The following TAB3 variants were observed in gnomAD, a reference collection of about 807,000 sequenced individuals.
The protein encoded by TAB3 is TGF-beta-activated kinase 1 and MAP3K7-binding protein 3.
In TAB3, 18 loss-of-function variants were observed where a neutral mutation model predicts 48.1. That is an observed-to-expected ratio of 0.37 (90% CI 0.26 to 0.55). The LOEUF (loss-of-function observed/expected upper bound fraction) is 0.55. Ranked by LOEUF, TAB3 falls within the 20% of genes least tolerant of loss-of-function variation. TAB3 has a pLI of 0.78. For synonymous variants in TAB3, 185 were observed against 190.2 expected, an observed-to-expected ratio of 0.97 and a Z score of 0.22; for missense variants, 414 against 549.8, an observed-to-expected ratio of 0.75 and a Z score of 2.47.
At chrX:30,846,756 C>A in intron 7 of TAB3, 112 bp from the exon 8 acceptor site, 1 of 463,258 alleles carries the variant, frequency 2.2e-6, no homozygotes. Context: ...AAGAATACGG[C>A]CTTAGTCCAT....
chrX:30,854,362 T>C lies in TAB3; in HGVS notation c.1303A>G (p.Thr435Ala), dbSNP rs1436850178. The change falls in exon 6 of 11, where the codon ACT becomes GCT. Residue 435 changes from threonine (T) to alanine (A), a missense_variant. Transcript: ENST00000288422. ...NPVYITYTQP[T>A]GPSCTPSPSP... The stretch of plus-strand genomic sequence containing the variant: ...GGTGATGGAGTACAAGAAGGTCCAG[T>C]TGGCTGTGTATATGTAATATACACA... 2.5e-6 allele frequency: 3 copies of C among 1,209,620 alleles called. No individual in the cohort carries two copies. Among genetic ancestry groups the C allele is most frequent in the East Asian group, 3.0e-5 (1 of 33,766 alleles).
At chrX:30,851,401 G>A (rs894141877) in intron 7 of TAB3, among the ~76,000 whole-genome samples, 1 of 111,528 alleles carries the variant, frequency 9.0e-6, no homozygotes, top group African/African-American at 3.3e-5. Flanking sequence ...TCTCCTAAAA[G>A]TCACTCTCCA....
intron 4 of TAB3, 34 bp from the exon 5 acceptor site, chrX:30,859,712 C>T (rs1798325297): frequency 2.0e-6 from 1 of 492,856 alleles, no homozygotes; most frequent in Non-Finnish European, 3.4e-6. Flanking sequence ...ATGGTTAAGT[C>T]TAGTTACATA....
At chrX:30,878,624 T>G (rs189414386) in intron 1 of TAB3, among the ~76,000 whole-genome samples, 81 of 111,055 alleles carry the variant, frequency 7.3e-4, no homozygotes, top group African/African-American at 2.5e-3. Flanking sequence ...TCAATGGACA[T>G]ATATAGAATG....
chrX:30,886,360 G>A (rs1298909359), intron 1 of TAB3, among the ~76,000 whole-genome samples: 2 of 109,906 alleles, frequency 1.8e-5, no homozygotes, highest in Non-Finnish European at 1.9e-5. Context: ...CTAATAAATA[G>A]CCCAAATACC....
intron 1 of TAB3, among the ~76,000 whole-genome samples, chrX:30,888,350 T>C (rs758943166): frequency 2.7e-5 from 3 of 112,622 alleles, no homozygotes; most frequent in Non-Finnish European, 5.6e-5. Flanking sequence ...GGTGGCAAGT[T>C]TTCTTAAATA....
intron 1 of TAB3, 149 bp downstream of exon 1, chrX:30,888,965 C>G (rs1416675571): frequency 8.8e-6 from 1 of 113,539 alleles, no homozygotes; most frequent in African/African-American, 3.2e-5. Flanking sequence ...TTCCCGCTGT[C>G]AGCCGCAGTC....
chrX:30,868,390 TA>T lies in TAB3; in HGVS notation c.-279-842del, dbSNP rs1939508606. On this transcript the variant is annotated intron_variant, in intron 2 of 10. Transcript: ENST00000288422. Reference sequence around the variant, plus strand: ...ATATAGCTTATATATATATAGCTTATATATATATATATAGCTTATATATATA... The same window carrying T: ...ATATAGCTTATATATATATAGCTTATTATATATATATAGCTTATATATATA... 1.2e-3 allele frequency among the ~76,000 whole-genome samples: 18 copies of T among 14,542 alleles called. 4 individuals are homozygous for T. Among genetic ancestry groups the T allele is most frequent in the African/African-American group, 7.4e-3 (16 of 2,171 alleles). 12.6% of individuals were successfully genotyped at this position (14,542 alleles called of 115,157 possible).
intron 7 of TAB3, 152 bp from the exon 8 acceptor site, chrX:30,846,796 T>G (rs1044941088): frequency 2.7e-5 from 10 of 377,283 alleles, no homozygotes; most frequent in Non-Finnish European, 3.7e-5. Flanking sequence ...GTCCTATGTA[T>G]ATGTTTTTAA....
rs762365794 is a variant in TAB3, at chrX:30,841,052, G to A, written c.1888+1914C>T. On this transcript the variant is annotated intron_variant, in intron 9 of 10. Transcript: ENST00000288422. ...CCTCAGTGACTTTCGGCAAGAAACT[G>A]CATATGATGCTGCCAAAGTGCCAAA... 2.7e-5 allele frequency among the ~76,000 whole-genome samples: 3 copies of A among 112,506 alleles called. No individual in the cohort carries two copies. The South Asian group carries it at 1.1e-3, about 41-fold the overall frequency.
chrX:30,862,249 C>T (rs955712431), intron 4 of TAB3, among the ~76,000 whole-genome samples: 10 of 112,102 alleles, frequency 8.9e-5, no homozygotes, highest in African/African-American at 3.2e-4. Context: ...GTTTTCCTAA[C>T]AGGAAGTGAT....
At chrX:30,871,968 G>GA (rs1353929029) in intron 1 of TAB3, among the ~76,000 whole-genome samples, 167 bp from the exon 2 acceptor site, 1 of 112,337 alleles carries the variant, frequency 8.9e-6, no homozygotes, top group African/African-American at 3.2e-5. Flanking sequence ...GATACTAAGA[G>GA]AAAGTTTTCC....
rs996681567 is a variant in TAB3, at chrX:30,830,296, T to A, written c.*1131A>T. ...TTCCTAAATAATGCAGTGTGCAACT[T>A]TGTCGTTGGCCAACTGTAATTCCCC... On this transcript the variant is annotated 3_prime_UTR_variant, in exon 11 of 11. Transcript: ENST00000288422. 2 of 112,452 alleles carry A rather than the reference T, an allele frequency of 1.8e-5. No individual in the cohort carries two copies. The highest frequency in any genetic ancestry group is 6.5e-5 in the African/African-American group (2 of 30,879). 9.3% of individuals were successfully genotyped at this position (112,452 alleles called of 1,213,427 possible).
At chrX:30,880,850 T>C (rs1291907003) in intron 1 of TAB3, among the ~76,000 whole-genome samples, 1 of 111,394 alleles carries the variant, frequency 9.0e-6, no homozygotes, top group African/African-American at 3.3e-5. Flanking sequence ...TTAAAAAAAT[T>C]TAACTGCTCA....
At chrX:30,844,243 C>T (rs988354228) in intron 8 of TAB3, 4 of 111,817 alleles carry the variant, frequency 3.6e-5, no homozygotes, top group Non-Finnish European at 7.5e-5. Context: ...TTAGAAATGC[C>T]TAAGTATCCC....
chrX:30,888,947 C>G (rs371819023), intron 1 of TAB3, among the ~76,000 whole-genome samples, 167 bp downstream of exon 1: 2 of 113,263 alleles, frequency 1.8e-5, no homozygotes, highest in African/African-American at 6.4e-5. Flanking sequence ...CCTCCGGCAG[C>G]CCCGCAGTTC....
intron 10 of TAB3, among the ~76,000 whole-genome samples, chrX:30,832,338 G>A (rs1938053626): frequency 9.0e-6 from 1 of 111,339 alleles, no homozygotes; most frequent in African/African-American, 3.3e-5. Context: ...CTGGCTTTGT[G>A]CTCAAAAAAG....
chrX:30,853,124 T>G (rs932398063), intron 6 of TAB3, among the ~76,000 whole-genome samples, 186 bp from the exon 7 acceptor site: 7 of 112,184 alleles, frequency 6.2e-5, no homozygotes, highest in Non-Finnish European at 1.1e-4. Flanking sequence ...GCAACCAAAG[T>G]GACATCACCT....
At chrX:30,842,741 G>A (rs750866170) in intron 9 of TAB3, among the ~76,000 whole-genome samples, 27 of 110,769 alleles carry the variant, frequency 2.4e-4, no homozygotes, top group African/African-American at 7.9e-4. Flanking sequence ...CAGAAAGATC[G>A]CTGGAGCCCA....
Sources: allele counts gnomAD v4.1 joint callset (sites outside exome capture counted in the v4.1 genomes callset), GRCh38; gene constraint gnomAD v4.1.1; transcripts MANE v1.5; gene names NCBI Gene and HGNC (gene_info 2026-07-23, HGNC 2026-07-21).